The following B3GALT1 variants were observed in gnomAD, a reference collection of about 807,000 sequenced individuals.
The protein encoded by B3GALT1 is beta-1,3-galactosyltransferase 1.
Under a neutral mutation model 23.2 loss-of-function variants are expected in B3GALT1, and 10 were observed. That is an observed-to-expected ratio of 0.43 (90% CI 0.27 to 0.73). B3GALT1 has a LOEUF of 0.73. Among genes scored for constraint, B3GALT1 ranks in the 30% least tolerant of loss-of-function variants. The pLI is 0.21. For missense variants in B3GALT1, 299 were observed against 405.4 expected (o/e 0.74, Z 2.25); for synonymous variants, 156 against 141.5 (o/e 1.10, Z -0.73).
At chr2:167,805,265 C>G (rs1255145588) in intron 3 of B3GALT1, among the ~76,000 whole-genome samples, 3 of 152,082 alleles carry the variant, frequency 2.0e-5, no homozygotes, top group African/African-American at 7.2e-5. Context: ...AATTTTCTCC[C>G]ATTCTGTAGG....
At position 167,792,617 on chromosome 2, in the gene B3GALT1, G is replaced by A. The variant is rs530702818; in HGVS notation, c.-351-26055G>A. On this transcript the variant is annotated intron_variant, in intron 3 of 4. Coordinates refer to ENST00000392690, the MANE Select transcript of B3GALT1 (RefSeq NM_020981.4). ...AAAACTTGGCAGGAACCAGATGGTA[G>A]AACACCTTGTAAATATCATGAAAAT... Among the ~76,000 whole-genome samples, 31 of 152,240 alleles carry A rather than the reference G, an allele frequency of 2.0e-4. No individual in the cohort carries two copies. In the East Asian group the frequency reaches 5.6e-3, roughly 27 times the overall value.
intron 3 of B3GALT1, among the ~76,000 whole-genome samples, chr2:167,813,366 GT>G (rs1162677070): frequency 1.3e-5 from 2 of 152,110 alleles, no homozygotes; most frequent in Non-Finnish European, 2.9e-5. Flanking sequence ...TTTGATGCTT[GT>G]TATAGAAATG....
intron 4 of B3GALT1, among the ~76,000 whole-genome samples, chr2:167,864,661 T>G (rs1690174344): frequency 1.3e-5 from 2 of 152,226 alleles, no homozygotes; most frequent in Admixed American, 1.3e-4. Flanking sequence ...ATATTGCCTA[T>G]GTCTCAACAG....
intron 2 of B3GALT1, among the ~76,000 whole-genome samples, chr2:167,615,776 C>G (rs979305588): frequency 7.9e-5 from 12 of 152,172 alleles, no homozygotes; most frequent in African/African-American, 2.9e-4. Context: ...ATGCACTACT[C>G]TAAGTGCTTT....
chr2:167,629,426 C>A (rs2052981), intron 2 of B3GALT1, among the ~76,000 whole-genome samples: 98,230 of 151,436 alleles, frequency 0.65, 32,965 homozygotes, highest in Non-Finnish European at 0.73. Flanking sequence ...AGAGTTCCAG[C>A]GCACACAACT....
At chr2:167,641,332 C>G (rs930285234) in intron 2 of B3GALT1, among the ~76,000 whole-genome samples, 4 of 152,136 alleles carry the variant, frequency 2.6e-5, no homozygotes, top group Non-Finnish European at 4.4e-5. Context: ...TGCTTCACTG[C>G]TCTACTGAAA....
intron 4 of B3GALT1, among the ~76,000 whole-genome samples, chr2:167,824,574 C>A (rs146644359): frequency 1.1e-3 from 161 of 152,310 alleles, no homozygotes; most frequent in African/African-American, 3.2e-3. Context: ...GTCCTCTCTA[C>A]CACTCCACCC....
At chr2:167,362,645 C>T (rs1053630633) in intron 1 of B3GALT1, among the ~76,000 whole-genome samples, 1 of 151,964 alleles carries the variant, frequency 6.6e-6, no homozygotes, top group African/African-American at 2.4e-5. Context: ...CCTTATTTAA[C>T]TGTCTTTTGA....
chr2:167,419,018 C>G (rs1033226978), intron 1 of B3GALT1, among the ~76,000 whole-genome samples: 4 of 152,118 alleles, frequency 2.6e-5, no homozygotes, highest in Admixed American at 6.5e-5. Flanking sequence ...TGAGATGGCT[C>G]TGTGTGTAAA....
Position 167,818,725 on chromosome 2 carries a change from T to A in B3GALT1, c.-298T>A, listed in dbSNP as rs1470179148. On this transcript the variant is annotated 5_prime_UTR_variant, in exon 4 of 5. The change abolishes an upstream ATG in the 5' untranslated region. Transcript: ENST00000392690. ...ACCTTGAATCTCCTCCTCACACAGA[T>A]GGAGACCATGCTTGATTTCCTGAAC... Among the ~76,000 whole-genome samples, 1 of 152,154 alleles carries A rather than the reference T, an allele frequency of 6.6e-6. No individual in the cohort carries two copies. Among genetic ancestry groups the A allele is most frequent in the Non-Finnish European group, 1.5e-5 (1 of 68,028 alleles).
chr2:167,807,188 A>G (rs532514853), intron 3 of B3GALT1, among the ~76,000 whole-genome samples: 2 of 151,972 alleles, frequency 1.3e-5, no homozygotes, highest in Non-Finnish European at 2.9e-5. Flanking sequence ...TATTGCATCT[A>G]TTTGATTCTT....
At chr2:167,420,557 C>T (rs979865226) in intron 1 of B3GALT1, among the ~76,000 whole-genome samples, 1 of 152,180 alleles carries the variant, frequency 6.6e-6, no homozygotes, top group Non-Finnish European at 1.5e-5. Flanking sequence ...TGGGGCTAAC[C>T]TCAGAAAAGA....
At chr2:167,682,425 G>C (rs912550227) in intron 3 of B3GALT1, among the ~76,000 whole-genome samples, 1 of 152,170 alleles carries the variant, frequency 6.6e-6, no homozygotes, top group Admixed American at 6.5e-5. Flanking sequence ...GCATTGCAAA[G>C]TTAAAATGCT....
At chr2:167,618,497 C>A (rs995554060) in intron 2 of B3GALT1, among the ~76,000 whole-genome samples, 2 of 151,904 alleles carry the variant, frequency 1.3e-5, no homozygotes, top group Non-Finnish European at 2.9e-5. Flanking sequence ...GAGACATTTT[C>A]TTACATAACC....
chr2:167,505,396 C>T (rs1422612228), intron 2 of B3GALT1, among the ~76,000 whole-genome samples: 2 of 152,114 alleles, frequency 1.3e-5, no homozygotes, highest in Non-Finnish European at 2.9e-5. Context: ...AAACAATAGA[C>T]TTGTGTGAAG....
chr2:167,747,769 AT>A (rs1338172639), intron 3 of B3GALT1, among the ~76,000 whole-genome samples: 1 of 152,234 alleles, frequency 6.6e-6, no homozygotes, highest in Non-Finnish European at 1.5e-5. Context: ...ACCTACAGAA[AT>A]TAACTTGTAG....
chr2:167,622,825 G>T (rs927244627), intron 2 of B3GALT1, among the ~76,000 whole-genome samples: 1 of 151,990 alleles, frequency 6.6e-6, no homozygotes, highest in Non-Finnish European at 1.5e-5. Context: ...TCTAGTCATT[G>T]GTAGAACCTA....
chr2:167,562,275 C>T (rs546792062), intron 2 of B3GALT1, among the ~76,000 whole-genome samples: 190 of 152,326 alleles, frequency 1.2e-3, no homozygotes, highest in Admixed American at 2.7e-3. Flanking sequence ...GCTAAAAACT[C>T]TCAATACATT....
chr2:167,427,954 A>G (rs1181333765), intron 1 of B3GALT1, among the ~76,000 whole-genome samples: 1 of 152,222 alleles, frequency 6.6e-6, no homozygotes, highest in Admixed American at 6.5e-5. Context: ...AAATATTTGC[A>G]AGCTATTCCT....
Sources: gnomAD v4.1 joint callset for allele counts (sites outside exome capture counted in the v4.1 genomes callset) on GRCh38, gnomAD v4.1.1 for gene constraint, MANE v1.5 for transcripts, NCBI Gene and HGNC (gene_info 2026-07-23, HGNC 2026-07-21) for gene names.